Variants in RAB38 observed in about 807,000 individuals in gnomAD.
The protein encoded by RAB38 is ras-related protein Rab-38.
A neutral mutation model predicts 18.4 loss-of-function variants in RAB38; 15 were observed. That is an observed-to-expected ratio of 0.82 (90% confidence interval 0.55 to 1.26). The LOEUF is 1.26. RAB38 is among the 50% of genes most tolerant of loss of function. RAB38 has a pLI of 0.00. For synonymous variants in RAB38, 101 were observed against 104.4 expected (o/e 0.97, Z 0.20); for missense variants, 294 against 267.4 (o/e 1.10, Z -0.69).
the RAB38 span, among the ~76,000 whole-genome samples, chr11:87,912,700 T>C: frequency 6.6e-6 from 1 of 151,280 alleles, no homozygotes; most frequent in Admixed American, 6.6e-5. Flanking sequence ...TCTATTTAAT[T>C]GATATCCACT....
chr11:88,143,437 A>G (rs1472611278), intron 2 of RAB38, among the ~76,000 whole-genome samples: 1 of 152,240 alleles, frequency 6.6e-6, no homozygotes, highest in Non-Finnish European at 1.5e-5. Context: ...AGCCATTGAT[A>G]ACATGTAAAC....
the RAB38 span, among the ~76,000 whole-genome samples, chr11:87,869,513 C>T: frequency 6.6e-6 from 1 of 151,600 alleles, no homozygotes; most frequent in African/African-American, 2.4e-5. Context: ...AGTATCAAAT[C>T]ATTTTGGAAA....
chr11:87,845,479 C>G, the RAB38 span, among the ~76,000 whole-genome samples: 5 of 151,742 alleles, frequency 3.3e-5, no homozygotes, highest in Non-Finnish European at 5.9e-5. Flanking sequence ...GACTCAAAAG[C>G]AAAATGGATA....
At chr11:87,952,253 C>T in the RAB38 span, among the ~76,000 whole-genome samples, 1 of 152,136 alleles carries the variant, frequency 6.6e-6, no homozygotes, top group African/African-American at 2.4e-5. Context: ...CTCTCAAAGT[C>T]TTGAGCTTCA....
the RAB38 span, among the ~76,000 whole-genome samples, chr11:87,975,893 A>C: frequency 6.6e-6 from 1 of 151,618 alleles, no homozygotes; most frequent in Non-Finnish European, 1.5e-5. Context: ...TGAATAACAT[A>C]GGGTATCTCA....
the RAB38 span, among the ~76,000 whole-genome samples, chr11:87,909,650 C>G: frequency 6.6e-6 from 1 of 152,020 alleles, no homozygotes; most frequent in African/African-American, 2.4e-5. Flanking sequence ...TTTTGTGCCT[C>G]CCTACCCCTA....
the RAB38 span, among the ~76,000 whole-genome samples, chr11:87,907,467 A>AT: frequency 6.6e-6 from 1 of 151,138 alleles, no homozygotes; most frequent in Non-Finnish European, 1.5e-5. Flanking sequence ...AAAAAAATAT[A>AT]TTTTTTTCAC....
At chr11:88,120,891 T>C (rs1003950797) in intron 2 of RAB38, among the ~76,000 whole-genome samples, 1 of 152,176 alleles carries the variant, frequency 6.6e-6, no homozygotes, top group East Asian at 1.9e-4. Context: ...TCACAGAGAA[T>C]CACCAAATAT....
At chr11:87,944,478 T>C in the RAB38 span, among the ~76,000 whole-genome samples, 1 of 152,194 alleles carries the variant, frequency 6.6e-6, no homozygotes, top group East Asian at 1.9e-4. Flanking sequence ...TAGTCTTCCA[T>C]TTTTGGTCCC....
the RAB38 span, among the ~76,000 whole-genome samples, chr11:88,022,318 C>CAA: frequency 0.022 from 3,099 of 143,994 alleles, 98 homozygotes; most frequent in African/African-American, 0.073. Flanking sequence ...AAAAAACCCT[C>CAA]AAAAAAAAAA....
the RAB38 span, among the ~76,000 whole-genome samples, chr11:88,049,523 C>T: frequency 6.6e-6 from 1 of 152,020 alleles, no homozygotes; most frequent in South Asian, 2.1e-4. Flanking sequence ...ACCCCTGTCT[C>T]CCTTCGCTGA....
the RAB38 span, among the ~76,000 whole-genome samples, chr11:87,881,715 A>AT: frequency 4.6e-5 from 7 of 151,164 alleles, no homozygotes; most frequent in South Asian, 2.1e-4. Context: ...GCCACTAAGT[A>AT]TTTTTTTTTC....
At chr11:87,834,249 C>T in the RAB38 span, among the ~76,000 whole-genome samples, 2 of 152,204 alleles carry the variant, frequency 1.3e-5, no homozygotes, top group African/African-American at 4.8e-5. Context: ...CCACAAGGAA[C>T]TGAACTCAGC....
At chr11:87,858,945 G>T in the RAB38 span, among the ~76,000 whole-genome samples, 1 of 135,048 alleles carries the variant, frequency 7.4e-6, no homozygotes, top group Admixed American at 7.6e-5. Flanking sequence ...AAAATAAAAA[G>T]TAAAAAAAAA....
chr11:87,930,499 C>T, the RAB38 span, among the ~76,000 whole-genome samples: 1 of 151,920 alleles, frequency 6.6e-6, no homozygotes, highest in South Asian at 2.1e-4. Flanking sequence ...CAAAAATTTT[C>T]TCCCATTCTC....
the RAB38 span, among the ~76,000 whole-genome samples, chr11:88,044,810 C>T: frequency 1.3e-5 from 2 of 152,036 alleles, no homozygotes; most frequent in East Asian, 1.9e-4. Context: ...CATCTGACCT[C>T]TCCCCTCCTC....
chr11:88,024,737 C>T, the RAB38 span, among the ~76,000 whole-genome samples: 4 of 152,072 alleles, frequency 2.6e-5, no homozygotes, highest in African/African-American at 9.7e-5. Context: ...ATGGAAAGAA[C>T]TGGATGAAAT....
the RAB38 span, among the ~76,000 whole-genome samples, chr11:87,943,916 C>G: frequency 0.029 from 4,441 of 152,204 alleles, 100 homozygotes; most frequent in Middle Eastern, 0.051. Flanking sequence ...AACCCATTTT[C>G]TGTTTTGATT....
At chr11:88,079,929 C>T in the RAB38 span, among the ~76,000 whole-genome samples, 2 of 151,334 alleles carry the variant, frequency 1.3e-5, no homozygotes, top group African/African-American at 4.8e-5. Context: ...AAACCTTTAC[C>T]TAATATTATA....
Sources: gnomAD v4.1 joint callset for allele counts (sites outside exome capture counted in the v4.1 genomes callset) on GRCh38, gnomAD v4.1.1 for gene constraint, MANE v1.5 for transcripts, NCBI Gene and HGNC (gene_info 2026-07-23, HGNC 2026-07-21) for gene names.